The following OTUD4 variants were observed in gnomAD, a reference collection of about 807,000 sequenced individuals.
OTUD4 encodes the protein OTU domain-containing protein 4.
OTUD4 carries 24 observed loss-of-function variants against 130.4 expected under a neutral mutation model. The ratio of observed to expected loss-of-function variants is 0.18; its 90% CI spans 0.13 to 0.26. The LOEUF (loss-of-function observed/expected upper bound fraction) is 0.26. Among genes scored for constraint, OTUD4 ranks in the 10% least tolerant of loss-of-function variants. The pLI, the probability that OTUD4 is intolerant of heterozygous loss-of-function variation, is 1.00. For missense variants in OTUD4, 1,031 were observed against 1,329.4 expected, an observed-to-expected ratio of 0.78 and a Z score of 3.49; for synonymous variants, 420 against 472.5, an observed-to-expected ratio of 0.89 and a Z score of 1.44.
chr4:145,160,002 C>T (rs769880655), intron 6 of OTUD4, among the ~76,000 whole-genome samples: 2 of 152,202 alleles, frequency 1.3e-5, no homozygotes, highest in East Asian at 1.9e-4. Flanking sequence ...TATATCCTTA[C>T]GTTTAATTCC....
chr4:145,138,277 C>T lies in OTUD4; in HGVS notation c.2498G>A (p.Gly833Asp), dbSNP rs145403870. Residue 833 changes from glycine to aspartate, a missense_variant, in exon 21 of 21, where the codon GGC becomes GAC. This residue lies in a region of OTUD4 where 900 missense variants were observed against 1,095.9 expected (regional missense o/e 0.82). Transcript: ENST00000447906. ...LHADYEESLS[G>D]KNMFPQPSFG... ...AGATGGCTGGGGGAACATATTCTTG[C>T]CACTTAGTGACTCTTCATAATCAGC... 42 of 1,613,860 alleles carry T rather than the reference C, an allele frequency of 2.6e-5. No homozygotes were observed. The African/African-American group carries it at 5.5e-4, about 21-fold the overall frequency.
chr4:145,162,101 T>A (rs888736492), intron 6 of OTUD4, among the ~76,000 whole-genome samples: 1 of 152,180 alleles, frequency 6.6e-6, no homozygotes, highest in African/African-American at 2.4e-5. Flanking sequence ...GCCTCCCAAG[T>A]AGTTGGGACC....
At position 145,164,220 on chromosome 4, in the gene OTUD4, A is replaced by G; in HGVS notation, c.348T>C (p.Asp116=). 7.7e-7 allele frequency: 1 copy of G among 1,297,852 alleles called. No homozygotes were observed. The highest frequency in any genetic ancestry group is 1.1e-6 in the Non-Finnish European group (1 of 920,904). The allele number at this position is 1,297,852 out of a possible 1,614,324, so 80.4% of individuals were successfully genotyped here. ...ISALSLMYRK[D]FIIYREPNVS... is the part of the protein sequence containing the mutation. ...CATTTGGTTCCCGATAAATTATAAA[A>G]TCTTTCCTGAAAATAACAATTAGAA... The change falls in exon 5 of 21, where the codon GAT becomes GAC. Residue 116 remains aspartate, a synonymous_variant. Coordinates refer to ENST00000447906, the MANE Select transcript of OTUD4 (RefSeq NM_001366057.1).
At chr4:145,152,515 T>A (rs977047022) in intron 11 of OTUD4, 26 bp downstream of exon 11, 1 of 1,275,458 alleles carries the variant, frequency 7.8e-7, no homozygotes. Flanking sequence ...AGGCAGTAAA[T>A]GCCTTAGCTG....
At position 145,136,814 on chromosome 4, in the gene OTUD4, T is replaced by C. The variant is rs1412399112; in HGVS notation, c.*616A>G. 1 of 152,656 alleles carries C rather than the reference T, an allele frequency of 6.6e-6. No homozygotes were observed. The highest frequency in any genetic ancestry group is 2.4e-5 in the African/African-American group (1 of 41,448). The allele number at this position is 152,656 out of a possible 1,614,324, so 9.5% of individuals were successfully genotyped here. On this transcript the variant is annotated 3_prime_UTR_variant, in exon 21 of 21. Transcript: ENST00000447906. ...TACAACATTGCTAAGACACAGTTAA[T>C]AGGCTGCCTTATGTGAATATTAAAG...
rs578044190 is a variant in OTUD4 at position 145,134,676 on chromosome 4, T to C, written c.*2754A>G. Reference sequence around the variant, plus strand: ...GCCATGAAAATGAATTTGTGGGTTATCAGTAAACAGTATGAGGACTACACA... The same window carrying C: ...GCCATGAAAATGAATTTGTGGGTTACCAGTAAACAGTATGAGGACTACACA... On this transcript the variant is annotated 3_prime_UTR_variant, in exon 21 of 21. Coordinates refer to ENST00000447906, the MANE Select transcript of OTUD4 (RefSeq NM_001366057.1). The C allele has an allele frequency of 2.5e-6, 1 of 398,874 alleles. No individual in the cohort carries two copies. The highest frequency in any genetic ancestry group is 4.4e-6 in the Non-Finnish European group (1 of 225,972). The allele number at this position is 398,874 out of a possible 1,614,324, so 24.7% of individuals were successfully genotyped here.
At chr4:145,166,505 A>C (rs957631072) in intron 3 of OTUD4, among the ~76,000 whole-genome samples, 1 of 151,820 alleles carries the variant, frequency 6.6e-6, no homozygotes, top group African/African-American at 2.4e-5. Flanking sequence ...CAGTGTTTAA[A>C]AAAAAAAAAA....
At chr4:145,165,546 C>T (rs1215460902) in intron 3 of OTUD4, among the ~76,000 whole-genome samples, 6 of 151,912 alleles carry the variant, frequency 3.9e-5, no homozygotes, top group African/African-American at 1.2e-4. Flanking sequence ...GGCGTGATCT[C>T]GGCTCACCGC....
chr4:145,176,903 G>A (rs1040320508), intron 1 of OTUD4, among the ~76,000 whole-genome samples: 2 of 152,168 alleles, frequency 1.3e-5, no homozygotes, highest in African/African-American at 4.8e-5. Context: ...AAATGCACCT[G>A]TTGAGGTTAG....
intron 11 of OTUD4, among the ~76,000 whole-genome samples, chr4:145,151,778 T>A (rs1751080309): frequency 1.3e-5 from 2 of 152,238 alleles, no homozygotes; most frequent in South Asian, 4.1e-4. Context: ...ACAGTAAAGT[T>A]TAAGGTGTGA....
chr4:145,156,118 G>C, intron 7 of OTUD4, 122 bp from the exon 8 acceptor site: 1 of 673,758 alleles, frequency 1.5e-6, no homozygotes, highest in Non-Finnish European at 2.5e-6. Flanking sequence ...ATTCCAGTGA[G>C]CTCATACAAG....
At chr4:145,166,439 T>G (rs1751878320) in intron 3 of OTUD4, among the ~76,000 whole-genome samples, 1 of 152,092 alleles carries the variant, frequency 6.6e-6, no homozygotes, top group Non-Finnish European at 1.5e-5. Context: ...TAAAGAAATA[T>G]TTCACATCTA....
intron 2 of OTUD4, among the ~76,000 whole-genome samples, chr4:145,174,298 G>GA (rs1752320887): frequency 6.6e-6 from 1 of 151,880 alleles, no homozygotes; most frequent in African/African-American, 2.4e-5. Context: ...AATTTATAGG[G>GA]AGTTACCCAT....
chr4:145,175,868 A>G (rs13145535), intron 1 of OTUD4, among the ~76,000 whole-genome samples: 15,016 of 150,146 alleles, frequency 0.1, 1,441 homozygotes, highest in East Asian at 0.46. Flanking sequence ...TTCTTATCCA[A>G]TGCTTCCTTC....
chr4:145,161,818 T>G (rs1426706184), intron 6 of OTUD4, among the ~76,000 whole-genome samples: 1 of 152,194 alleles, frequency 6.6e-6, no homozygotes, highest in Non-Finnish European at 1.5e-5. Flanking sequence ...AATGTTTGAT[T>G]TGCTCAGTCA....
intron 12 of OTUD4, 34 bp from the exon 13 acceptor site, chr4:145,150,733 T>G: frequency 6.3e-7 from 1 of 1,595,114 alleles, no homozygotes; most frequent in Non-Finnish European, 8.6e-7. Flanking sequence ...ATGATAATAT[T>G]CATATTATAA....
chr4:145,133,668 T>TA lies in OTUD4; in HGVS notation c.*3761dup, dbSNP rs1237752147. On this transcript the variant is annotated 3_prime_UTR_variant, in exon 21 of 21. Coordinates refer to ENST00000447906, the MANE Select transcript of OTUD4 (RefSeq NM_001366057.1). ...AGCAGAATCAAGAGACAAAATTTAA[T>TA]ATATGCACACAGTTTTATATATAAT... 6.6e-6 allele frequency: 1 copy of TA among 152,644 alleles called. No homozygotes were observed. The highest frequency in any genetic ancestry group is 1.5e-5 in the Non-Finnish European group (1 of 68,042). 9.5% of individuals were successfully genotyped at this position (152,644 alleles called of 1,614,324 possible).
chr4:145,155,513 A>G (rs1176268407), intron 9 of OTUD4, 38 bp from the exon 10 acceptor site: 2 of 1,599,620 alleles, frequency 1.3e-6, no homozygotes, highest in South Asian at 2.3e-5. Flanking sequence ...TATAAAGTTG[A>G]CTTATTTTCA....
rs1314016759 is a variant in OTUD4, at chr4:145,180,424, C to T, written c.-451G>A. 1.3e-5 allele frequency among the ~76,000 whole-genome samples: 2 copies of T among 152,222 alleles called. No homozygotes were observed. The highest frequency in any genetic ancestry group is 2.4e-5 in the African/African-American group (1 of 41,472). Reference sequence around the variant, plus strand: ...GGGGCCTGCGCCCCCGCGCACTCCCCACGCCGGGAGCCGAGGAAACCAAAA... The same window carrying T: ...GGGGCCTGCGCCCCCGCGCACTCCCTACGCCGGGAGCCGAGGAAACCAAAA... On this transcript the variant is annotated 5_prime_UTR_variant, in exon 1 of 21. Coordinates refer to ENST00000447906, the MANE Select transcript of OTUD4 (RefSeq NM_001366057.1).
Sources: gnomAD v4.1 joint callset for allele counts (sites outside exome capture counted in the v4.1 genomes callset) on GRCh38, gnomAD v4.1.1 for gene constraint, gnomAD v4.1.1 regional missense constraint, MANE v1.5 for transcripts, NCBI Gene and HGNC (gene_info 2026-07-23, HGNC 2026-07-21) for gene names.